The following MVB12B variants were observed in gnomAD, a reference collection of about 807,000 sequenced individuals.
The protein encoded by MVB12B is ESCRT-I complex subunit MVB12B.
MVB12B carries 16 observed loss-of-function variants against 41.6 expected under a neutral mutation model. The ratio of observed to expected loss-of-function variants is 0.38; its 90% CI spans 0.26 to 0.58. MVB12B has a LOEUF of 0.58. Among genes scored for constraint, MVB12B ranks in the 20% least tolerant of loss-of-function variants. The pLI, the probability that MVB12B is intolerant of heterozygous loss-of-function variation, is 0.62. For synonymous variants in MVB12B, 133 were observed against 139.7 expected, an observed-to-expected ratio of 0.95 and a Z score of 0.34; for missense variants, 274 against 380.2, an observed-to-expected ratio of 0.72 and a Z score of 2.32.
chr9:126,411,770 A>G (rs1248043325), intron 6 of MVB12B, among the ~76,000 whole-genome samples: 1 of 152,244 alleles, frequency 6.6e-6, no homozygotes, highest in Non-Finnish European at 1.5e-5. Flanking sequence ...TTTAGAGCCT[A>G]GAGTGATTAA....
intron 9 of MVB12B, among the ~76,000 whole-genome samples, chr9:126,488,386 G>A (rs1474897174): frequency 1.3e-5 from 2 of 149,742 alleles, no homozygotes; most frequent in African/African-American, 4.9e-5. Flanking sequence ...ACAAGTGGGA[G>A]ACTGCTTTCA....
At chr9:126,433,509 G>A (rs565190022) in intron 7 of MVB12B, among the ~76,000 whole-genome samples, 1 of 152,180 alleles carries the variant, frequency 6.6e-6, no homozygotes, top group South Asian at 2.1e-4. Flanking sequence ...CACTTATTGG[G>A]TCTGACCCCC....
At chr9:126,353,359 G>A (rs577718702) in intron 2 of MVB12B, among the ~76,000 whole-genome samples, 55 of 152,248 alleles carry the variant, frequency 3.6e-4, no homozygotes, top group East Asian at 1.4e-3. Context: ...GGTAATTATC[G>A]TTAACAGTTT....
At chr9:126,346,619 C>T (rs570230440) in intron 2 of MVB12B, among the ~76,000 whole-genome samples, 146 of 152,074 alleles carry the variant, frequency 9.6e-4, no homozygotes, top group Admixed American at 4.7e-3. Flanking sequence ...GCAAGGACTG[C>T]GGGCATAAGT....
chr9:126,401,014 T>C (rs1372216563), intron 6 of MVB12B, among the ~76,000 whole-genome samples: 1 of 152,158 alleles, frequency 6.6e-6, no homozygotes, highest in African/African-American at 2.4e-5. Context: ...CAATGTGTGG[T>C]TCCAGTAGCC....
At chr9:126,448,359 C>A (rs371835215) in intron 7 of MVB12B, 1 of 152,234 alleles carries the variant, frequency 6.6e-6, no homozygotes, top group Non-Finnish European at 1.5e-5. Flanking sequence ...TGCTCAGAGC[C>A]GTTCTTTGCC....
chr9:126,470,786 G>C (rs906138704), intron 7 of MVB12B, among the ~76,000 whole-genome samples: 1 of 152,080 alleles, frequency 6.6e-6, no homozygotes, highest in African/African-American at 2.4e-5. Flanking sequence ...CATTGCTTCC[G>C]TCCCACCAAA....
chr9:126,381,030 A>G (rs1272661855), intron 2 of MVB12B, 34 bp from the exon 3 acceptor site: 2 of 1,581,878 alleles, frequency 1.3e-6, no homozygotes, highest in East Asian at 2.2e-5. Context: ...TTCCTGCCTT[A>G]CCTGCAATCC....
intron 2 of MVB12B, among the ~76,000 whole-genome samples, chr9:126,357,899 C>A (rs1829924959): frequency 1.3e-5 from 2 of 151,942 alleles, no homozygotes. Context: ...TCTTTGCTAG[C>A]CCTAAGGTCA....
intron 4 of MVB12B, among the ~76,000 whole-genome samples, chr9:126,388,452 AGTT>A (rs1269526554): frequency 6.6e-6 from 1 of 152,132 alleles, no homozygotes; most frequent in Non-Finnish European, 1.5e-5. Context: ...TGGATATCTG[AGTT>A]GTTTGTACTT....
At position 126,419,065 on chromosome 9, in the gene MVB12B, C is replaced by A. The variant is rs188625648; in HGVS notation, c.663-2789C>A. Among the ~76,000 whole-genome samples, 216 of 152,320 alleles carry A rather than the reference C, an allele frequency of 1.4e-3. 1 individual carries two copies. Among genetic ancestry groups the A allele is most frequent in the Middle Eastern group, 6.8e-3 (2 of 294 alleles). On this transcript the variant is annotated intron_variant, in intron 6 of 9. Coordinates refer to ENST00000361171, the MANE Select transcript of MVB12B (RefSeq NM_033446.3). The stretch of plus-strand genomic sequence containing the variant: ...CTCTGCCTCCTGGCTGGCCTCTTTG[C>A]CATCATCCATGTCCACCTGGCTCCC...
rs2119250687 is a variant in MVB12B at position 126,504,216 on chromosome 9, G to C, written c.*953G>C. ...CATTCTGAAAGGTCCCTCTGACCCA[G>C]GTCACCAAATTTGGGCCAGAACTGG... On this transcript the variant is annotated 3_prime_UTR_variant, in exon 10 of 10. Coordinates refer to ENST00000361171, the MANE Select transcript of MVB12B (RefSeq NM_033446.3). The C allele has an allele frequency of 6.6e-6, 1 of 152,388 alleles. No individual in the cohort carries two copies. Among genetic ancestry groups the C allele is most frequent in the South Asian group, 2.1e-4 (1 of 4,824 alleles). The allele number at this position is 152,388 out of a possible 1,614,324, so 9.4% of individuals were successfully genotyped here.
intron 7 of MVB12B, among the ~76,000 whole-genome samples, chr9:126,443,164 T>C (rs1019724623): frequency 1.3e-5 from 2 of 152,204 alleles, no homozygotes; most frequent in African/African-American, 4.8e-5. Flanking sequence ...ACAGTGGAAG[T>C]AGCACTACTT....
intron 7 of MVB12B, among the ~76,000 whole-genome samples, chr9:126,440,306 T>A (rs1204035544): frequency 6.6e-6 from 1 of 152,160 alleles, no homozygotes; most frequent in Non-Finnish European, 1.5e-5. Context: ...CCAAGGTTAT[T>A]TGAGAGGCGC....
intron 2 of MVB12B, among the ~76,000 whole-genome samples, chr9:126,359,632 A>G (rs1249856454): frequency 6.6e-6 from 1 of 152,190 alleles, no homozygotes; most frequent in Non-Finnish European, 1.5e-5. Flanking sequence ...TGTGTCTGCT[A>G]AGGAATTTTT....
chr9:126,405,241 T>G (rs1831386082), intron 6 of MVB12B, among the ~76,000 whole-genome samples: 1 of 152,154 alleles, frequency 6.6e-6, no homozygotes, highest in Non-Finnish European at 1.5e-5. Flanking sequence ...TGGTTATGTT[T>G]GCTTTTTTGT....
intron 2 of MVB12B, among the ~76,000 whole-genome samples, chr9:126,347,866 C>T (rs947209643): frequency 6.6e-5 from 10 of 152,196 alleles, no homozygotes; most frequent in African/African-American, 1.4e-4. Context: ...TTCAGAAAGC[C>T]GAAGCTGTGG....
chr9:126,352,633 C>G (rs1054443414), intron 2 of MVB12B, among the ~76,000 whole-genome samples: 1 of 152,224 alleles, frequency 6.6e-6, no homozygotes, highest in Non-Finnish European at 1.5e-5. Flanking sequence ...CATGAGATCC[C>G]TAGCTGGTCA....
At chr9:126,500,458 C>T (rs1188463766) in intron 9 of MVB12B, among the ~76,000 whole-genome samples, 1 of 152,172 alleles carries the variant, frequency 6.6e-6, no homozygotes, top group Non-Finnish European at 1.5e-5. Context: ...TCTGCCCATC[C>T]ATGTCCACAC....
Sources: gnomAD v4.1 joint callset for allele counts (sites outside exome capture counted in the v4.1 genomes callset) on GRCh38, gnomAD v4.1.1 for gene constraint, MANE v1.5 for transcripts, NCBI Gene and HGNC (gene_info 2026-07-23, HGNC 2026-07-21) for gene names.